The following MAGI2 variants were observed in gnomAD, a reference collection of about 807,000 sequenced individuals.
The protein encoded by MAGI2 is membrane associated guanylate kinase, WW and PDZ domain containing 2.
MAGI2 carries 35 observed loss-of-function variants against 133.3 expected under a neutral mutation model. The ratio of observed to expected loss-of-function variants is 0.26; its 90% confidence interval spans 0.20 to 0.35. The LOEUF (loss-of-function observed/expected upper bound fraction) is 0.35, where lower values mean the gene tolerates loss of function less well. Ranked by LOEUF, MAGI2 falls within the 10% of genes least tolerant of loss-of-function variation. The pLI is 1.00. For missense variants in MAGI2, 1,636 were observed against 1,863.4 expected, an observed-to-expected ratio of 0.88 and a Z score of 2.25; for synonymous variants, 729 against 710.6, an observed-to-expected ratio of 1.03 and a Z score of -0.41.
At chr7:78,455,437 CATACA>C (rs1584214978) in intron 6 of MAGI2, among the ~76,000 whole-genome samples, 1 of 152,102 alleles carries the variant, frequency 6.6e-6, no homozygotes, top group Non-Finnish European at 1.5e-5. Context: ...TTCTAGCATT[CATACA>C]ATACAACAAT....
At chr7:78,584,338 T>C (rs1803164179) in intron 3 of MAGI2, among the ~76,000 whole-genome samples, 1 of 140,406 alleles carries the variant, frequency 7.1e-6, no homozygotes, top group Non-Finnish European at 1.5e-5. Context: ...AAGAATCACT[T>C]GAACTCGAGA....
intron 6 of MAGI2, among the ~76,000 whole-genome samples, chr7:78,386,726 T>C (rs1795424481): frequency 6.6e-6 from 1 of 152,172 alleles, no homozygotes; most frequent in Admixed American, 6.6e-5. Context: ...CAGTGTGATG[T>C]GATGCAGGAC....
chr7:79,157,473 G>A (rs1433464260), intron 1 of MAGI2, among the ~76,000 whole-genome samples: 2 of 151,440 alleles, frequency 1.3e-5, no homozygotes, highest in Non-Finnish European at 2.9e-5. Context: ...ACTCAATGGT[G>A]ACACACTATG....
At chr7:78,070,106 T>TACACACACACAC (rs67410981) in intron 21 of MAGI2, among the ~76,000 whole-genome samples, 9 of 79,664 alleles carry the variant, frequency 1.1e-4, no homozygotes, top group Non-Finnish European at 2.9e-5. Context: ...CACACACACA[T>TACACACACACAC]ACACACACAC....
chr7:78,608,776 T>C (rs1338871507), intron 3 of MAGI2, among the ~76,000 whole-genome samples: 2 of 152,324 alleles, frequency 1.3e-5, no homozygotes, highest in East Asian at 3.9e-4. Context: ...TACATGGTAC[T>C]GAAATTGAGG....
chr7:78,514,272 A>G (rs1184276617), intron 4 of MAGI2, among the ~76,000 whole-genome samples: 2 of 150,624 alleles, frequency 1.3e-5, no homozygotes, highest in Non-Finnish European at 3.0e-5. Flanking sequence ...TATAATTACC[A>G]TTATAATTAT....
At chr7:78,426,416 T>A (rs1470046308) in intron 6 of MAGI2, among the ~76,000 whole-genome samples, 2 of 150,432 alleles carry the variant, frequency 1.3e-5, no homozygotes, top group East Asian at 3.9e-4. Context: ...ATGGAACACA[T>A]GGACACAGGA....
At chr7:78,607,498 TAAA>T (rs11318579) in intron 3 of MAGI2, among the ~76,000 whole-genome samples, 10 of 139,534 alleles carry the variant, frequency 7.2e-5, no homozygotes, top group South Asian at 2.3e-4. Flanking sequence ...AAGTCAAACT[TAAA>T]AAAAAAAAAA....
chr7:79,453,605 T>A lies in MAGI2; in HGVS notation c.-285A>T. The A allele has an allele frequency of 9.9e-7, 1 of 1,005,350 alleles. No individual in the cohort carries two copies. Among genetic ancestry groups the A allele is most frequent in the Non-Finnish European group, 1.2e-6 (1 of 847,582 alleles). 62.3% of individuals were successfully genotyped at this position (1,005,350 alleles called of 1,614,324 possible). A position where few individuals can be genotyped will look rare whatever the true frequency, so the allele number is the denominator to read the frequency against. ...CCCGCAGCAGAGGAAGCAGTGGTGG[T>A]GGCGTCGGCGGCGGCGGCGGCGGCA... On this transcript the variant is annotated 5_prime_UTR_variant, in exon 1 of 22. Transcript: ENST00000354212.
In MAGI2 at chr7:79,290,185, T is replaced by C. The variant is rs932429110; in HGVS notation, c.301+162835A>G. 4.6e-5 allele frequency among the ~76,000 whole-genome samples: 7 copies of C among 152,170 alleles called. No individual in the cohort carries two copies. In the East Asian group the frequency reaches 1.4e-3, roughly 29 times the overall value. On this transcript the variant is annotated intron_variant, in intron 1 of 21. Coordinates refer to ENST00000354212, the MANE Select transcript of MAGI2 (RefSeq NM_012301.4). ...AAGGGTACTATTGCTATTGTTATTATTGGTTACAATGATAAGCAAAACACA... is the reference window on the plus strand; with the variant it reads ...AAGGGTACTATTGCTATTGTTATTACTGGTTACAATGATAAGCAAAACACA...
intron 2 of MAGI2, among the ~76,000 whole-genome samples, chr7:78,787,736 A>G (rs1826955157): frequency 6.6e-6 from 1 of 152,204 alleles, no homozygotes; most frequent in Non-Finnish European, 1.5e-5. Flanking sequence ...AAACTCTCAC[A>G]TTACAAATAA....
At chr7:79,448,035 T>C (rs966365376) in intron 1 of MAGI2, among the ~76,000 whole-genome samples, 7 of 151,876 alleles carry the variant, frequency 4.6e-5, no homozygotes, top group Non-Finnish European at 1.0e-4. Flanking sequence ...TCTAATAGGA[T>C]TTCTATGTTG....
chr7:79,115,852 A>T (rs970825669), intron 1 of MAGI2, among the ~76,000 whole-genome samples: 2 of 114,152 alleles, frequency 1.8e-5, no homozygotes, highest in African/African-American at 7.4e-5. Context: ...AAATGTTTTA[A>T]AGTTTTTTTT....
rs1186653469 is a variant in MAGI2, at chr7:78,194,983, T to A, written c.2160A>T (p.Pro720=). 4.3e-6 allele frequency: 7 copies of A among 1,613,944 alleles called. No individual in the cohort carries two copies. The African/African-American group carries it at 6.7e-5, about 15-fold the overall frequency. Residue 720 remains proline (P), a synonymous_variant, in exon 12 of 22, where the codon CCA becomes CCT. Transcript: ENST00000354212. The stretch of plus-strand genomic sequence containing the variant: ...GAAAGGAGCTCCTGTGAAGGGCAGG[T>A]GGGAAGGGCAGGTTCTGCGGTATGG... ...APAIPQNLPF[P]PALHRSSFPD... is the part of the protein sequence containing the mutation.
intron 9 of MAGI2, among the ~76,000 whole-genome samples, chr7:78,337,386 T>C (rs1321946904): frequency 6.6e-6 from 1 of 152,212 alleles, no homozygotes; most frequent in Non-Finnish European, 1.5e-5. Context: ...CTGTTCTCCA[T>C]ACCTTCCCAG....
chr7:78,985,850 GC>G (rs1371172191), intron 2 of MAGI2, among the ~76,000 whole-genome samples: 2 of 152,022 alleles, frequency 1.3e-5, no homozygotes, highest in Non-Finnish European at 2.9e-5. Context: ...ATATGTATTT[GC>G]CTTTAATTTA....
At chr7:78,594,827 AC>A (rs1474782124) in intron 3 of MAGI2, among the ~76,000 whole-genome samples, 1 of 152,086 alleles carries the variant, frequency 6.6e-6, no homozygotes, top group African/African-American at 2.4e-5. Flanking sequence ...AGCTCCCCAA[AC>A]CTCCATAATT....
chr7:78,679,989 G>T (rs1563343552), intron 2 of MAGI2, among the ~76,000 whole-genome samples: 1 of 151,998 alleles, frequency 6.6e-6, no homozygotes. Context: ...CAAGTCAAAA[G>T]CAAAATCAAA....
chr7:79,244,959 C>G (rs1832716595), intron 1 of MAGI2, among the ~76,000 whole-genome samples: 1 of 152,154 alleles, frequency 6.6e-6, no homozygotes, highest in Non-Finnish European at 1.5e-5. Context: ...TCCTCTAGTT[C>G]CTCTTCCTGA....
Sources: gnomAD v4.1 joint callset for allele counts (sites outside exome capture counted in the v4.1 genomes callset) on GRCh38, gnomAD v4.1.1 for gene constraint, MANE v1.5 for transcripts, NCBI Gene and HGNC (gene_info 2026-07-23, HGNC 2026-07-21) for gene names.